Variants in PRELID2 observed in about 807,000 individuals in gnomAD.
The protein encoded by PRELID2 is PRELI domain containing 2, also known as PRELI domain-containing protein 2.
PRELID2 carries 25 observed loss-of-function variants against 28.4 expected under a neutral mutation model. The ratio of observed to expected loss-of-function variants is 0.88; its 90% confidence interval spans 0.64 to 1.23. The LOEUF (loss-of-function observed/expected upper bound fraction) is 1.23, where lower values mean the gene tolerates loss of function less well. Ranked by LOEUF, PRELID2 falls within the 50% of genes most tolerant of loss-of-function variation. The pLI, the probability that PRELID2 is intolerant of heterozygous loss-of-function variation, is 0.00. For synonymous variants in PRELID2, 76 were observed against 71.6 expected (o/e 1.06, Z -0.31); for missense variants, 201 against 214.4 (o/e 0.94, Z 0.39).
the PRELID2 span, among the ~76,000 whole-genome samples, chr5:145,463,653 T>C: frequency 6.6e-6 from 1 of 152,136 alleles, no homozygotes; most frequent in Non-Finnish European, 1.5e-5. Flanking sequence ...ATTCTGGGCA[T>C]GAAACTGTCA....
the PRELID2 span, among the ~76,000 whole-genome samples, chr5:145,318,853 C>T: frequency 6.6e-6 from 1 of 152,208 alleles, no homozygotes; most frequent in African/African-American, 2.4e-5. Flanking sequence ...AATCAGGTCA[C>T]ACAGACAAAC....
chr5:145,300,645 A>G, the PRELID2 span, among the ~76,000 whole-genome samples: 2 of 151,714 alleles, frequency 1.3e-5, no homozygotes, highest in African/African-American at 4.8e-5. Flanking sequence ...GAATAAGACT[A>G]CCAAGATTAC....
At chr5:145,584,046 A>C (rs1303422281) in intron 1 of PRELID2, among the ~76,000 whole-genome samples, 7 of 152,148 alleles carry the variant, frequency 4.6e-5, no homozygotes, top group Non-Finnish European at 8.8e-5. Context: ...CTACACTGCA[A>C]GGCTACAGTA....
At chr5:145,598,465 T>C (rs1005829042) in intron 1 of PRELID2, among the ~76,000 whole-genome samples, 5 of 152,266 alleles carry the variant, frequency 3.3e-5, no homozygotes, top group African/African-American at 1.2e-4. Context: ...ACAGATGATG[T>C]TGCCATAACA....
At chr5:145,603,616 A>C (rs1036266844) in intron 1 of PRELID2, among the ~76,000 whole-genome samples, 7 of 152,174 alleles carry the variant, frequency 4.6e-5, no homozygotes, top group African/African-American at 1.4e-4. Flanking sequence ...AGAGATGCAG[A>C]AAAAGGTAGA....
intron 1 of PRELID2, among the ~76,000 whole-genome samples, chr5:145,534,032 T>C (rs1190604609): frequency 2.0e-5 from 3 of 152,218 alleles, no homozygotes; most frequent in Middle Eastern, 3.4e-3. Flanking sequence ...TAGATAGGAA[T>C]TTGGACTCCA....
At chr5:145,273,525 ACCC>A in the PRELID2 span, among the ~76,000 whole-genome samples, 1 of 152,040 alleles carries the variant, frequency 6.6e-6, no homozygotes, top group Admixed American at 6.6e-5. Flanking sequence ...AAAATGAAGG[ACCC>A]AGAAAGGAGG....
the PRELID2 span, among the ~76,000 whole-genome samples, chr5:145,387,791 G>T: frequency 2.0e-5 from 3 of 151,992 alleles, no homozygotes; most frequent in Non-Finnish European, 2.9e-5. Flanking sequence ...AATTAGCTGG[G>T]CATGGTGGAG....
At chr5:145,579,138 C>G (rs1487319180) in intron 1 of PRELID2, among the ~76,000 whole-genome samples, 1 of 152,008 alleles carries the variant, frequency 6.6e-6, no homozygotes, top group African/African-American at 2.4e-5. Context: ...GTCTGAAGAT[C>G]AGGCTGACAT....
the PRELID2 span, among the ~76,000 whole-genome samples, chr5:145,304,563 A>G: frequency 6.6e-6 from 1 of 152,210 alleles, no homozygotes. Flanking sequence ...AAATAATTCA[A>G]GGTGATTAAT....
chr5:145,568,952 C>T (rs1752992384), intron 1 of PRELID2, among the ~76,000 whole-genome samples: 2 of 152,228 alleles, frequency 1.3e-5, no homozygotes. Context: ...CATAAAGAAA[C>T]ATGGCAGTCT....
At chr5:145,296,691 C>A in the PRELID2 span, among the ~76,000 whole-genome samples, 13 of 152,116 alleles carry the variant, frequency 8.5e-5, no homozygotes, top group Admixed American at 1.3e-4. Flanking sequence ...ATTTATAGTC[C>A]TTTGGGTATA....
chr5:145,828,319 G>T (rs1398636660), intron 1 of PRELID2, among the ~76,000 whole-genome samples: 1 of 152,170 alleles, frequency 6.6e-6, no homozygotes, highest in African/African-American at 2.4e-5. Flanking sequence ...ACTAACAAAT[G>T]AATCAACACT....
At chr5:145,654,219 T>G (rs1340326550) in intron 1 of PRELID2, among the ~76,000 whole-genome samples, 1 of 152,170 alleles carries the variant, frequency 6.6e-6, no homozygotes, top group African/African-American at 2.4e-5. Flanking sequence ...AATCCCTGAA[T>G]AGACCAATAA....
chr5:145,446,276 G>T, the PRELID2 span, among the ~76,000 whole-genome samples: 2 of 151,662 alleles, frequency 1.3e-5, no homozygotes, highest in African/African-American at 2.4e-5. Context: ...ATTAAAAAAT[G>T]AAAAAAAGTT....
the PRELID2 span, among the ~76,000 whole-genome samples, chr5:145,394,730 G>T: frequency 6.6e-6 from 1 of 152,184 alleles, no homozygotes; most frequent in African/African-American, 2.4e-5. Context: ...TAAGAACAAA[G>T]ATTATTTCCA....
Position 145,502,478 on chromosome 5 carries a change from G to A in PRELID2, n.71-29163C>T, listed in dbSNP as rs147349500. Among the ~76,000 whole-genome samples the A allele has an allele frequency of 3.8e-3, 571 of 152,246 alleles. 8 individuals are homozygous for A. Among genetic ancestry groups the A allele is most frequent in the African/African-American group, 0.013 (541 of 41,546 alleles). On this transcript the variant is annotated intron_variant and non_coding_transcript_variant, in intron 1 of 2. Coordinates refer to the PRELID2 transcript ENST00000510259. The stretch of plus-strand genomic sequence containing the variant: ...ATGAAAGGACAGAAATTAAGGTAGA[G>A]ATAACAGAAGCTATATGAAAGGGGA...
At chr5:145,745,551 A>G (rs1448217403) in intron 1 of PRELID2, among the ~76,000 whole-genome samples, 1 of 152,312 alleles carries the variant, frequency 6.6e-6, no homozygotes, top group African/African-American at 2.4e-5. Context: ...CTTGGGGCCA[A>G]TAGTCAACAT....
the PRELID2 span, among the ~76,000 whole-genome samples, chr5:145,281,010 A>C: frequency 2.0e-5 from 3 of 152,144 alleles, no homozygotes; most frequent in Non-Finnish European, 4.4e-5. Context: ...TCAAATGTTG[A>C]AATCAGAATT....
Sources: allele counts gnomAD v4.1 joint callset (sites outside exome capture counted in the v4.1 genomes callset), GRCh38; gene constraint gnomAD v4.1.1; transcripts MANE v1.5; gene names NCBI Gene and HGNC (gene_info 2026-07-23, HGNC 2026-07-21).